RGS8: variants seen among roughly 807,000 people sequenced by gnomAD.
RGS8 encodes the protein regulator of G-protein signaling 8.
A neutral mutation model predicts 21.7 loss-of-function variants in RGS8; 8 were observed. The ratio of observed to expected loss-of-function variants is 0.37; its 90% CI spans 0.22 to 0.66. The LOEUF (loss-of-function observed/expected upper bound fraction) is 0.66, where lower values mean the gene tolerates loss of function less well. Ranked by LOEUF, RGS8 falls within the 30% of genes least tolerant of loss-of-function variation. The pLI is 0.59. For missense variants in RGS8, 157 were observed against 217.9 expected (o/e 0.72, Z 1.76); for synonymous variants, 80 against 83.6 (o/e 0.96, Z 0.24).
the RGS8 span, among the ~76,000 whole-genome samples, chr1:182,747,340 T>C: frequency 6.6e-6 from 1 of 152,124 alleles, no homozygotes; most frequent in Non-Finnish European, 1.5e-5. Context: ...TTGGAGCTTT[T>C]TCAAGGAGAA....
At chr1:182,693,962 C>T in the RGS8 span, among the ~76,000 whole-genome samples, 11 of 151,938 alleles carry the variant, frequency 7.2e-5, no homozygotes, top group Non-Finnish European at 1.3e-4. Context: ...CACACAGGGC[C>T]GTATTTGAGA....
the RGS8 span, among the ~76,000 whole-genome samples, chr1:182,710,383 C>T: frequency 6.6e-6 from 1 of 152,132 alleles, no homozygotes; most frequent in African/African-American, 2.4e-5. Context: ...GTCTGTCTCC[C>T]ACAGCCTCTA....
intron 5 of RGS8, among the ~76,000 whole-genome samples, chr1:182,653,357 A>C (rs982759553): frequency 4.6e-5 from 7 of 152,158 alleles, no homozygotes; most frequent in Non-Finnish European, 7.3e-5. Context: ...CATAGCTGGA[A>C]GGAAACATGA....
At chr1:182,680,242 G>T (rs536429188) in intron 1 of RGS8, among the ~76,000 whole-genome samples, 1 of 152,204 alleles carries the variant, frequency 6.6e-6, no homozygotes, top group East Asian at 1.9e-4. Context: ...GCTTAAGAAG[G>T]ATCCTGATAC....
At chr1:182,735,533 A>T in the RGS8 span, among the ~76,000 whole-genome samples, 2 of 152,196 alleles carry the variant, frequency 1.3e-5, no homozygotes, top group African/African-American at 4.8e-5. Flanking sequence ...GTGGGACAGA[A>T]GGAAGCAGGA....
the RGS8 span, among the ~76,000 whole-genome samples, chr1:182,716,656 A>G: frequency 6.6e-6 from 1 of 152,092 alleles, no homozygotes; most frequent in African/African-American, 2.4e-5. Flanking sequence ...GAAATTGCCC[A>G]TAGTCATACT....
At chr1:182,645,957 C>T (rs1662684706), downstream of RGS8, 1 of 152,220 alleles carries the variant, frequency 6.6e-6, no homozygotes, top group Non-Finnish European at 1.5e-5. Flanking sequence ...GCCCTCGTCT[C>T]TTGACTTCTG....
At chr1:182,665,826 T>C (rs1663829125) in intron 5 of RGS8, 143 bp downstream of exon 6, 3 of 611,684 alleles carry the variant, frequency 4.9e-6, no homozygotes, top group Admixed American at 4.8e-5. Context: ...TATGCTCCTC[T>C]AGGCAGGAGG....
chr1:182,707,784 G>A, the RGS8 span, among the ~76,000 whole-genome samples: 1 of 152,152 alleles, frequency 6.6e-6, no homozygotes, highest in South Asian at 2.1e-4. Flanking sequence ...TTGGCTCACT[G>A]CAAGCTCTGC....
At chr1:182,718,207 G>A in the RGS8 span, among the ~76,000 whole-genome samples, 2 of 152,198 alleles carry the variant, frequency 1.3e-5, no homozygotes, top group Non-Finnish European at 2.9e-5. Flanking sequence ...ACAAGCCAGC[G>A]TGAAGGAATA....
At chr1:182,695,585 TA>T in the RGS8 span, among the ~76,000 whole-genome samples, 1 of 152,148 alleles carries the variant, frequency 6.6e-6, no homozygotes, top group African/African-American at 2.4e-5. Flanking sequence ...GCCTTCTGAG[TA>T]GCTGGGACTA....
intron 5 of RGS8, among the ~76,000 whole-genome samples, chr1:182,655,202 C>T (rs527599255): frequency 1.3e-5 from 2 of 152,322 alleles, no homozygotes; most frequent in South Asian, 2.1e-4. Context: ...AGCATTCTCA[C>T]GCATGTAGAA....
the RGS8 span, among the ~76,000 whole-genome samples, chr1:182,706,902 AAACT>A: frequency 6.6e-6 from 1 of 152,092 alleles, no homozygotes; most frequent in Admixed American, 6.5e-5. Context: ...TTTTTTTCTA[AAACT>A]AAGTATCTTA....
chr1:182,752,337 G>T, the RGS8 span, among the ~76,000 whole-genome samples: 1 of 152,198 alleles, frequency 6.6e-6, no homozygotes, highest in Non-Finnish European at 1.5e-5. Context: ...CCACAGACGA[G>T]ACACAGGTGG....
chr1:182,701,896 A>G, the RGS8 span, among the ~76,000 whole-genome samples: 2 of 152,338 alleles, frequency 1.3e-5, no homozygotes, highest in African/African-American at 4.8e-5. Context: ...ACCATCTCAC[A>G]CAAGTCAGAA....
chr1:182,662,621 C>T (rs750019312), intron 5 of RGS8, among the ~76,000 whole-genome samples: 48 of 152,322 alleles, frequency 3.2e-4, no homozygotes, highest in Non-Finnish European at 5.0e-4. Flanking sequence ...GCCTCTGCCC[C>T]CAGATCAGTT....
At chr1:182,666,163 A>G in intron 4 of RGS8, 130 bp from the exon 6 acceptor site, 1 of 638,592 alleles carries the variant, frequency 1.6e-6, no homozygotes, top group Non-Finnish European at 2.8e-6. Flanking sequence ...AATGAAGACT[A>G]TACCTGGATT....
At chr1:182,693,967 T>G in the RGS8 span, among the ~76,000 whole-genome samples, 18 of 152,006 alleles carry the variant, frequency 1.2e-4, no homozygotes, top group African/African-American at 4.4e-4. Context: ...AGGGCCGTAT[T>G]TGAGAGTGGA....
At chr1:182,675,954 T>C (rs1031653716), upstream of RGS8, among the ~76,000 whole-genome samples, 3 of 152,196 alleles carry the variant, frequency 2.0e-5, no homozygotes, top group Middle Eastern at 3.2e-3. Flanking sequence ...TCGGCTAAAT[T>C]TGATTTTGAG....
Sources: gnomAD v4.1 joint callset for allele counts (sites outside exome capture counted in the v4.1 genomes callset) on GRCh38, gnomAD v4.1.1 for gene constraint, MANE v1.5 for transcripts, NCBI Gene and HGNC (gene_info 2026-07-23, HGNC 2026-07-21) for gene names.